PLEKHA8: variants seen among roughly 807,000 people sequenced by gnomAD.
PLEKHA8 encodes the protein pleckstrin homology domain containing A8.
Under a neutral mutation model 68.2 loss-of-function variants are expected in PLEKHA8, and 36 were observed. That is an observed-to-expected ratio of 0.53 (90% CI 0.40 to 0.70). The LOEUF (loss-of-function observed/expected upper bound fraction) is 0.70. Ranked by LOEUF, PLEKHA8 falls within the 30% of genes least tolerant of loss-of-function variation. PLEKHA8 has a pLI of 0.00. For missense variants in PLEKHA8, 505 were observed against 615.4 expected (o/e 0.82, Z 1.90); for synonymous variants, 211 against 216.1 (o/e 0.98, Z 0.20).
intron 9 of PLEKHA8, among the ~76,000 whole-genome samples, chr7:30,056,278 T>TTCTC (rs761685260): frequency 0.084 from 4,757 of 56,308 alleles, 229 homozygotes; most frequent in South Asian, 0.097. Context: ...TAAAGATATA[T>TTCTC]TCTCTCTCTC....
intron 13 of PLEKHA8, among the ~76,000 whole-genome samples, chr7:30,125,762 A>G (rs1235440666): frequency 1.3e-5 from 2 of 152,182 alleles, no homozygotes; most frequent in African/African-American, 2.4e-5. Flanking sequence ...CCTACTGCTG[A>G]ATCTCTTTAC....
intron 11 of PLEKHA8, among the ~76,000 whole-genome samples, 198 bp from the exon 12 acceptor site, chr7:30,062,474 T>A (rs1292607100): frequency 1.3e-5 from 2 of 151,990 alleles, no homozygotes; most frequent in Non-Finnish European, 2.9e-5. Flanking sequence ...GTATATCAGA[T>A]GAGATGAAAG....
chr7:30,074,032 G>T, intron 12 of PLEKHA8, 39 bp from the exon 13 acceptor site: 4 of 1,529,526 alleles, frequency 2.6e-6, no homozygotes, highest in Admixed American at 1.8e-5. Flanking sequence ...ATCAAATTCT[G>T]ATGAAAGTGT....
At chr7:30,092,072 CT>C (rs1795435237), downstream of PLEKHA8, among the ~76,000 whole-genome samples, 1 of 152,296 alleles carries the variant, frequency 6.6e-6, no homozygotes, top group East Asian at 1.9e-4. Flanking sequence ...TTACACAAGA[CT>C]TTTATAAAAT....
chr7:30,074,246 T>TGTG, intron 13 of PLEKHA8, 114 bp downstream of exon 13: 4 of 487,884 alleles, frequency 8.2e-6, no homozygotes, highest in Non-Finnish European at 1.4e-5. Flanking sequence ...AGAAACAAAG[T>TGTG]TGTGTGTGTG....
chr7:30,052,010 G>A (rs1286157064), intron 6 of PLEKHA8, among the ~76,000 whole-genome samples: 1 of 152,054 alleles, frequency 6.6e-6, no homozygotes, highest in Non-Finnish European at 1.5e-5. Context: ...TTACTGGCCG[G>A]GCAAACACAG....
At chr7:30,060,276 A>G (rs989448981) in intron 9 of PLEKHA8, among the ~76,000 whole-genome samples, 17 of 152,120 alleles carry the variant, frequency 1.1e-4, no homozygotes, top group African/African-American at 4.1e-4. Context: ...GCCCGTCTCT[A>G]CTGAAAATAC....
rs1450542340 is a variant in PLEKHA8 at position 30,054,623 on chromosome 7, CTG to C, written c.797-82_797-81del. ...TGAATTTTTATTTCTATGTATTTTT[CTG>C]TGTTTTAGAAATTTTCAACAATCAA... On this transcript the variant is annotated intron_variant, in intron 7 of 13. Transcript: ENST00000449726. 7.8e-6 allele frequency: 7 copies of C among 899,924 alleles called. No individual in the cohort carries two copies. The South Asian group carries it at 2.8e-4, about 36-fold the overall frequency. The allele number at this position is 899,924 out of a possible 1,614,324, so 55.7% of individuals were successfully genotyped here.
At chr7:30,110,925 C>A (rs76487906) in intron 13 of PLEKHA8, among the ~76,000 whole-genome samples, 1 of 136,762 alleles carries the variant, frequency 7.3e-6, no homozygotes, top group East Asian at 2.2e-4. Context: ...TTTTTTTTTT[C>A]ACGGAGTCTC....
At chr7:30,120,543 A>G (rs1005455703) in intron 13 of PLEKHA8, among the ~76,000 whole-genome samples, 8 of 152,354 alleles carry the variant, frequency 5.3e-5, no homozygotes, top group African/African-American at 1.9e-4. Flanking sequence ...TACATATCCA[A>G]TTAGGTTTCA....
At chr7:30,072,532 G>A (rs1794307198) in intron 12 of PLEKHA8, among the ~76,000 whole-genome samples, 1 of 152,242 alleles carries the variant, frequency 6.6e-6, no homozygotes, top group African/African-American at 2.4e-5. Flanking sequence ...ACATGGCAGT[G>A]CCATTTTGGC....
chr7:30,082,002 TG>T lies in PLEKHA8; in HGVS notation c.*3216del. On this transcript the variant is annotated 3_prime_UTR_variant, in exon 14 of 14. Transcript: ENST00000449726. ...ATCCCTTTTGGGAGTGAAACCAAAT[TG>T]TAACTATGAGGAGAAGATGGTCTTC... is the stretch of plus-strand genomic sequence containing the variant. The T allele has an allele frequency of 1.1e-6, 1 of 936,434 alleles. No homozygotes were observed. Among genetic ancestry groups the T allele is most frequent in the Non-Finnish European group, 1.3e-6 (1 of 785,640 alleles). The allele number at this position is 936,434 out of a possible 1,614,324, so 58.0% of individuals were successfully genotyped here.
At chr7:30,104,777 C>T (rs1388259082) in intron 13 of PLEKHA8, among the ~76,000 whole-genome samples, 1 of 133,576 alleles carries the variant, frequency 7.5e-6, no homozygotes, top group African/African-American at 2.9e-5. Flanking sequence ...GGCTGGAGTG[C>T]AGTGGCATGA....
At chr7:30,043,717 G>A (rs369935092) in intron 1 of PLEKHA8, among the ~76,000 whole-genome samples, 3 of 152,254 alleles carry the variant, frequency 2.0e-5, no homozygotes, top group East Asian at 3.9e-4. Context: ...TTCTGATTAC[G>A]GTGTAGTTCC....
At chr7:30,065,753 T>C (rs1266648020) in intron 12 of PLEKHA8, among the ~76,000 whole-genome samples, 1 of 152,254 alleles carries the variant, frequency 6.6e-6, no homozygotes, top group Non-Finnish European at 1.5e-5. Flanking sequence ...ACTAAGTTTT[T>C]GATAAATATT....
intron 13 of PLEKHA8, among the ~76,000 whole-genome samples, chr7:30,116,240 G>A (rs566682783): frequency 0.06 from 8,349 of 139,736 alleles, 358 homozygotes; most frequent in Middle Eastern, 0.082. Flanking sequence ...ACATGTATGC[G>A]TATACATGTA....
chr7:30,083,873 G>A lies in PLEKHA8; in HGVS notation c.*5086G>A, dbSNP rs910867800. ...GATGGTTGATACCCCTTACAAAGTCGATCTTACCCACACAGACTCCTGTGT... is the reference window on the plus strand; with the variant it reads ...GATGGTTGATACCCCTTACAAAGTCAATCTTACCCACACAGACTCCTGTGT... On this transcript the variant is annotated 3_prime_UTR_variant, in exon 14 of 14. Coordinates refer to ENST00000449726, the MANE Select transcript of PLEKHA8 (RefSeq NM_001197026.2). 1.9e-5 allele frequency: 19 copies of A among 985,222 alleles called. No individual in the cohort carries two copies. The highest frequency in any genetic ancestry group is 1.6e-5 in the Non-Finnish European group (13 of 829,920). The allele number at this position is 985,222 out of a possible 1,614,324, so 61.0% of individuals were successfully genotyped here.
downstream of PLEKHA8, among the ~76,000 whole-genome samples, chr7:30,094,495 C>T (rs1014638263): frequency 2.0e-5 from 3 of 151,378 alleles, no homozygotes; most frequent in Non-Finnish European, 4.4e-5. Flanking sequence ...AGGCTGGTCT[C>T]GAACTCCTTT....
chr7:30,119,331 T>C (rs1293757044), intron 13 of PLEKHA8, among the ~76,000 whole-genome samples: 1 of 152,240 alleles, frequency 6.6e-6, no homozygotes, highest in African/African-American at 2.4e-5. Context: ...TCCTCCTTTT[T>C]AGATGAGAAA....
Sources: allele counts gnomAD v4.1 joint callset (sites outside exome capture counted in the v4.1 genomes callset), GRCh38; gene constraint gnomAD v4.1.1; transcripts MANE v1.5; gene names NCBI Gene and HGNC (gene_info 2026-07-23, HGNC 2026-07-21).